Variants in PDGFRL observed in about 807,000 individuals in gnomAD.
PDGFRL encodes the protein platelet-derived growth factor receptor-like protein.
PDGFRL carries 46 observed loss-of-function variants against 37.2 expected under a neutral mutation model. The ratio of observed to expected loss-of-function variants is 1.24; its 90% CI spans 0.98 to 1.58. The LOEUF (loss-of-function observed/expected upper bound fraction) is 1.58. Among genes scored for constraint, PDGFRL ranks in the 40% most tolerant of loss-of-function variants. The pLI, the probability that PDGFRL is intolerant of heterozygous loss-of-function variation, is 0.00. For synonymous variants in PDGFRL, 251 were observed against 184.3 expected, an observed-to-expected ratio of 1.36 and a Z score of -2.93; for missense variants, 692 against 467.6, an observed-to-expected ratio of 1.48 and a Z score of -4.43.
At chr8:17,630,948 A>T (rs1476263178) in intron 4 of PDGFRL, among the ~76,000 whole-genome samples, 1 of 152,040 alleles carries the variant, frequency 6.6e-6, no homozygotes. Flanking sequence ...AAGAGCCTGG[A>T]GTCCTGACAT....
intron 2 of PDGFRL, among the ~76,000 whole-genome samples, chr8:17,606,710 G>A (rs1381067368): frequency 6.6e-6 from 1 of 151,964 alleles, no homozygotes; most frequent in Non-Finnish European, 1.5e-5. Flanking sequence ...ACAAGGGTGG[G>A]GGGCAGGTAA....
At chr8:17,593,807 G>A (rs1803993636) in intron 2 of PDGFRL, among the ~76,000 whole-genome samples, 1 of 151,394 alleles carries the variant, frequency 6.6e-6, no homozygotes, top group Admixed American at 6.6e-5. Context: ...AGAATCGCTT[G>A]AACCTGGGAG....
At chr8:17,585,511 A>AGT (rs943127318) in intron 1 of PDGFRL, among the ~76,000 whole-genome samples, 2 of 152,098 alleles carry the variant, frequency 1.3e-5, no homozygotes, top group Non-Finnish European at 2.9e-5. Context: ...TTCTTGGAAA[A>AGT]GTGTGTGTGT....
intron 2 of PDGFRL, among the ~76,000 whole-genome samples, chr8:17,593,172 C>T (rs1803979032): frequency 6.6e-6 from 1 of 152,076 alleles, no homozygotes; most frequent in Non-Finnish European, 1.5e-5. Context: ...CTTCCTGTTT[C>T]CCTTTCCACA....
At chr8:17,630,598 C>T (rs538346882) in intron 4 of PDGFRL, among the ~76,000 whole-genome samples, 1 of 152,328 alleles carries the variant, frequency 6.6e-6, no homozygotes, top group African/African-American at 2.4e-5. Flanking sequence ...GTGAGTGCAG[C>T]AGCTCTGAGT....
intron 2 of PDGFRL, among the ~76,000 whole-genome samples, chr8:17,595,675 C>T (rs1169300716): frequency 6.6e-6 from 1 of 152,150 alleles, no homozygotes; most frequent in Non-Finnish European, 1.5e-5. Flanking sequence ...CCCTACTACC[C>T]GCCCCTTTTT....
chr8:17,642,825 C>G lies in PDGFRL; in HGVS notation c.*24C>G, dbSNP rs148177101. On this transcript the variant is annotated 3_prime_UTR_variant, in exon 6 of 6. Coordinates refer to ENST00000251630, the MANE Select transcript of PDGFRL (RefSeq NM_001372073.1). ...GACTTGGAAAAGGAAATGTAATGAA[C>G]TTATGGAAAGCCCATTTGTGTACAC... 3.5e-4 allele frequency: 524 copies of G among 1,497,846 alleles called. 1 individual carries two copies. The African/African-American group carries it at 6.2e-3, about 18-fold the overall frequency. 92.8% of individuals were successfully genotyped at this position (1,497,846 alleles called of 1,614,324 possible). A position where few individuals can be genotyped will look rare whatever the true frequency, so the allele number is the denominator to read the frequency against.
intron 2 of PDGFRL, among the ~76,000 whole-genome samples, chr8:17,606,879 GTTTTTTGTTTTTTTGTTTTTT>G (rs1804289274): frequency 3.4e-5 from 2 of 59,050 alleles, no homozygotes; most frequent in South Asian, 1.3e-3. Flanking sequence ...CCAGTTTTTC[GTTTTTTGTTTTTTTGTTTTTT>G]TTTTTTTTTT....
chr8:17,605,648 C>T (rs2237823), intron 2 of PDGFRL, among the ~76,000 whole-genome samples: 22,818 of 152,104 alleles, frequency 0.15, 3,122 homozygotes, highest in African/African-American at 0.36. Flanking sequence ...AACAAGGAGA[C>T]GTTGGAGATT....
intron 1 of PDGFRL, among the ~76,000 whole-genome samples, chr8:17,587,287 C>T (rs1803838150): frequency 6.6e-6 from 1 of 152,142 alleles, no homozygotes; most frequent in Non-Finnish European, 1.5e-5. Context: ...TCTCCAAAAT[C>T]AGATAATCTC....
At position 17,589,556 on chromosome 8, in the gene PDGFRL, A is replaced by C; in HGVS notation, c.144A>C (p.Lys48Asn). 1 of 1,613,772 alleles carries C rather than the reference A, an allele frequency of 6.2e-7. No homozygotes were observed. Among genetic ancestry groups the C allele is most frequent in the Non-Finnish European group, 8.5e-7 (1 of 1,179,642 alleles). The change falls in exon 2 of 6, where the codon AAA becomes AAC. Residue 48 changes from lysine (K) to asparagine (N), a missense_variant. Lys to Asn is a moderately conservative substitution (Grantham distance 94). Transcript: ENST00000251630. Reference sequence around the variant, plus strand: ...CTACCAACAAGAAGGTGAAGCCCAAAATTCCTAAAATGAAGGACAGGGACT... The same window carrying C: ...CTACCAACAAGAAGGTGAAGCCCAACATTCCTAAAATGAAGGACAGGGACT... ...IKPTNKKVKP[K>N]IPKMKDRDSA...
At chr8:17,628,822 G>A (rs1046145750) in intron 4 of PDGFRL, 42 bp downstream of exon 4, 1 of 1,455,194 alleles carries the variant, frequency 6.9e-7, no homozygotes, top group Admixed American at 1.7e-5. Context: ...TTAGTCCCCT[G>A]GTCAGTTTCA....
rs535688092 is a variant in PDGFRL at position 17,633,353 on chromosome 8, A to G, written c.800-721A>G. Reference sequence around the variant, plus strand: ...TGGCTTGAGCTTTCCTCCAGGATGCAGGAGTTTGAGGCTGCAGAGAGTTAA... The same window carrying G: ...TGGCTTGAGCTTTCCTCCAGGATGCGGGAGTTTGAGGCTGCAGAGAGTTAA... On this transcript the variant is annotated intron_variant, in intron 4 of 5. Coordinates refer to ENST00000251630, the MANE Select transcript of PDGFRL (RefSeq NM_001372073.1). Among the ~76,000 whole-genome samples the G allele has an allele frequency of 5.3e-5, 8 of 152,278 alleles. No individual in the cohort carries two copies. The East Asian group carries it at 1.4e-3, about 26-fold the overall frequency.
At chr8:17,628,399 T>C (rs1053884269) in intron 3 of PDGFRL, 88 bp from the exon 4 acceptor site, 1 of 917,770 alleles carries the variant, frequency 1.1e-6, no homozygotes, top group East Asian at 2.4e-5. Context: ...AAGGACTCAG[T>C]ATTCAGAGTA....
intron 1 of PDGFRL, among the ~76,000 whole-genome samples, chr8:17,581,882 A>T (rs1281986083): frequency 3.3e-5 from 5 of 152,150 alleles, no homozygotes; most frequent in African/African-American, 7.2e-5. Context: ...TAACACAGAA[A>T]ATTGGTACCA....
chr8:17,590,019 C>A (rs1448607113), intron 2 of PDGFRL, among the ~76,000 whole-genome samples: 1 of 150,362 alleles, frequency 6.7e-6, no homozygotes, highest in Non-Finnish European at 1.5e-5. Flanking sequence ...ATCACGAGGT[C>A]AGGAGATCGA....
chr8:17,606,113 T>A (rs1804270541), intron 2 of PDGFRL, among the ~76,000 whole-genome samples: 1 of 152,190 alleles, frequency 6.6e-6, no homozygotes, highest in Non-Finnish European at 1.5e-5. Context: ...ATCCCACCAT[T>A]GAGAAAGAAT....
chr8:17,584,819 G>C (rs1264928874), intron 1 of PDGFRL, among the ~76,000 whole-genome samples: 2 of 151,682 alleles, frequency 1.3e-5, no homozygotes, highest in African/African-American at 4.9e-5. Context: ...GTGTAAGAAA[G>C]AATTCGGAGT....
intron 1 of PDGFRL, among the ~76,000 whole-genome samples, chr8:17,578,954 C>A (rs1803646113): frequency 6.6e-6 from 1 of 152,194 alleles, no homozygotes; most frequent in South Asian, 2.1e-4. Context: ...AATCCCAGCA[C>A]TTTGGGAGGC....
Sources: allele counts gnomAD v4.1 joint callset (sites outside exome capture counted in the v4.1 genomes callset), GRCh38; gene constraint gnomAD v4.1.1; transcripts MANE v1.5; gene names NCBI Gene and HGNC (gene_info 2026-07-23, HGNC 2026-07-21).